SPTLC1: variants seen among roughly 807,000 people sequenced by gnomAD.
SPTLC1 encodes the protein serine palmitoyltransferase 1.
SPTLC1 carries 55 observed loss-of-function variants against 68.9 expected under a neutral mutation model. The observed-to-expected ratio is 0.80, with a 90% CI of 0.64 to 1.00. The LOEUF is 1.00. Ranked by LOEUF, SPTLC1 falls within the 50% of genes least tolerant of loss-of-function variation. The pLI is 0.00. For missense variants in SPTLC1, 449 were observed against 573.1 expected, an observed-to-expected ratio of 0.78 and a Z score of 2.21; for synonymous variants, 197 against 201.6, an observed-to-expected ratio of 0.98 and a Z score of 0.19.
chr9:92,039,745 C>G (rs978004206), intron 12 of SPTLC1, among the ~76,000 whole-genome samples: 19 of 152,194 alleles, frequency 1.2e-4, no homozygotes, highest in Non-Finnish European at 2.4e-4. Context: ...CAAGCCTTTA[C>G]AGAATGACTA....
chr9:92,035,229 T>C (rs1291869831), intron 13 of SPTLC1, among the ~76,000 whole-genome samples: 2 of 152,306 alleles, frequency 1.3e-5, no homozygotes, highest in East Asian at 3.9e-4. Context: ...GTGACTACCA[T>C]TTAGACAAAG....
At chr9:92,096,617 G>A (rs1163683210) in intron 3 of SPTLC1, among the ~76,000 whole-genome samples, 1 of 152,062 alleles carries the variant, frequency 6.6e-6, no homozygotes, top group Non-Finnish European at 1.5e-5. Context: ...ACGGTGCTAG[G>A]ACAACTTGAC....
chr9:92,102,895 G>T (rs1835809887), intron 3 of SPTLC1, among the ~76,000 whole-genome samples: 1 of 152,060 alleles, frequency 6.6e-6, no homozygotes, highest in African/African-American at 2.4e-5. Flanking sequence ...TGTTTCCCTA[G>T]TCCAGACACC....
chr9:92,080,171 A>G (rs888778884), intron 4 of SPTLC1, 83 bp from the exon 5 acceptor site: 2 of 1,135,164 alleles, frequency 1.8e-6, no homozygotes, highest in Admixed American at 1.8e-5. Flanking sequence ...TAACCCACAG[A>G]GCTCCTTCCT....
intron 3 of SPTLC1, among the ~76,000 whole-genome samples, chr9:92,098,886 G>C (rs941921966): frequency 4.9e-5 from 6 of 122,816 alleles, no homozygotes; most frequent in Non-Finnish European, 7.8e-5. Context: ...AGTGGAGCAG[G>C]AGAAAGAACA....
intron 5 of SPTLC1, among the ~76,000 whole-genome samples, chr9:92,071,005 T>C (rs1834462017): frequency 6.6e-6 from 1 of 151,716 alleles, no homozygotes; most frequent in African/African-American, 2.4e-5. Context: ...GAGAACACCA[T>C]AAAATAGCTG....
chr9:92,052,537 T>A (rs184561323), intron 8 of SPTLC1, among the ~76,000 whole-genome samples: 2,990 of 151,282 alleles, frequency 0.02, 58 homozygotes, highest in African/African-American at 0.051. Flanking sequence ...TATTATTATT[T>A]TTTTTTTTTT....
At chr9:92,099,602 C>T (rs1301471189) in intron 3 of SPTLC1, among the ~76,000 whole-genome samples, 8 of 151,948 alleles carry the variant, frequency 5.3e-5, no homozygotes, top group Admixed American at 2.6e-4. Context: ...ACCTCATCCT[C>T]CCAAGTAGCT....
intron 2 of SPTLC1, 105 bp downstream of exon 2, chr9:92,112,350 A>G: frequency 1.3e-6 from 1 of 782,838 alleles, no homozygotes; most frequent in Non-Finnish European, 2.2e-6. Context: ...TACATTACAG[A>G]AAATGCTTTA....
intron 3 of SPTLC1, among the ~76,000 whole-genome samples, chr9:92,094,155 T>C (rs993387693): frequency 2.0e-5 from 3 of 152,204 alleles, no homozygotes; most frequent in African/African-American, 7.2e-5. Context: ...AAGGCCAAGA[T>C]GGATGCATCT....
At chr9:92,046,402 T>C (rs1156906146) in intron 11 of SPTLC1, 3 of 223,048 alleles carry the variant, frequency 1.3e-5, no homozygotes, top group African/African-American at 4.6e-5. Flanking sequence ...AAAAATCAAC[T>C]ATAGTAAAGT....
intron 1 of SPTLC1, among the ~76,000 whole-genome samples, chr9:92,113,612 A>G (rs1208826562): frequency 6.6e-6 from 1 of 152,266 alleles, no homozygotes; most frequent in Non-Finnish European, 1.5e-5. Flanking sequence ...TTAAAAAATC[A>G]TTTATAAAAA....
At chr9:92,038,524 A>C (rs1024801916) in intron 12 of SPTLC1, 159 bp from the exon 13 acceptor site, 19 of 701,434 alleles carry the variant, frequency 2.7e-5, no homozygotes, top group African/African-American at 2.1e-4. Context: ...AAAGAAAGGG[A>C]AACGAGGCAC....
At chr9:92,070,335 G>C (rs1160491388) in intron 5 of SPTLC1, 1 of 152,156 alleles carries the variant, frequency 6.6e-6, no homozygotes, top group Non-Finnish European at 1.5e-5. Context: ...AAACTACAAG[G>C]GCACTCACTT....
chr9:92,044,188 G>A (rs576322640), intron 12 of SPTLC1, among the ~76,000 whole-genome samples: 48 of 152,320 alleles, frequency 3.2e-4, no homozygotes, highest in Middle Eastern at 3.4e-3. Context: ...ATGAAACGAT[G>A]TGGAGCTCCA....
At chr9:92,104,972 C>T (rs995212887) in intron 3 of SPTLC1, 6 of 1,533,080 alleles carry the variant, frequency 3.9e-6, no homozygotes, top group African/African-American at 1.4e-5. Context: ...GCCTGACCCA[C>T]TTCCAACAGT....
intron 3 of SPTLC1, among the ~76,000 whole-genome samples, chr9:92,103,375 G>A (rs575914246): frequency 2.0e-5 from 3 of 152,302 alleles, no homozygotes; most frequent in African/African-American, 7.2e-5. Flanking sequence ...AGGTGTGCAC[G>A]TGCTTATTAC....
At chr9:92,073,691 G>A (rs538030713) in intron 5 of SPTLC1, among the ~76,000 whole-genome samples, 24 of 152,294 alleles carry the variant, frequency 1.6e-4, no homozygotes, top group African/African-American at 4.3e-4. Context: ...ATTAGAGTCT[G>A]GCCCTCAAAC....
chr9:92,064,400 C>T (rs1284861125), intron 6 of SPTLC1, among the ~76,000 whole-genome samples: 1 of 152,102 alleles, frequency 6.6e-6, no homozygotes, highest in Non-Finnish European at 1.5e-5. Flanking sequence ...CATTAGCCAT[C>T]AGAAAAATAT....
Sources: allele counts gnomAD v4.1 joint callset (sites outside exome capture counted in the v4.1 genomes callset), GRCh38; gene constraint gnomAD v4.1.1; transcripts MANE v1.5; gene names NCBI Gene and HGNC (gene_info 2026-07-23, HGNC 2026-07-21).